Variants in CPED1 observed in about 807,000 individuals in gnomAD.
CPED1 encodes the protein cadherin-like and PC-esterase domain-containing protein 1.
Under a neutral mutation model 128.2 loss-of-function variants are expected in CPED1, and 114 were observed. The ratio of observed to expected loss-of-function variants is 0.89; its 90% CI spans 0.76 to 1.04. The LOEUF is 1.04. Ranked by LOEUF, CPED1 falls within the 50% of genes least tolerant of loss-of-function variation. The pLI, the probability that CPED1 is intolerant of heterozygous loss-of-function variation, is 0.00. For missense variants in CPED1, 1,211 were observed against 1,207.1 expected (o/e 1.00, Z -0.05); for synonymous variants, 462 against 426.7 (o/e 1.08, Z -1.02).
intron 4 of CPED1, among the ~76,000 whole-genome samples, chr7:121,063,087 G>A (rs1793721407): frequency 6.6e-6 from 1 of 152,104 alleles, no homozygotes; most frequent in Admixed American, 6.5e-5. Context: ...AATGCCACTG[G>A]TGCAGAATCA....
At chr7:121,288,816 G>A (rs551562003) in intron 22 of CPED1, among the ~76,000 whole-genome samples, 43 of 152,164 alleles carry the variant, frequency 2.8e-4, no homozygotes, top group African/African-American at 9.1e-4. Flanking sequence ...AGATAAAATC[G>A]TATAAACAAA....
At chr7:121,093,238 A>C (rs1283744865) in intron 5 of CPED1, among the ~76,000 whole-genome samples, 1 of 152,142 alleles carries the variant, frequency 6.6e-6, no homozygotes, top group African/African-American at 2.4e-5. Context: ...GAAAAAAATT[A>C]GGTTGAACAT....
At chr7:121,255,569 A>G (rs1791818137) in intron 18 of CPED1, among the ~76,000 whole-genome samples, 1 of 152,092 alleles carries the variant, frequency 6.6e-6, no homozygotes, top group Non-Finnish European at 1.5e-5. Context: ...AGCCAGAGCA[A>G]TCAGGCAGAG....
intron 16 of CPED1, among the ~76,000 whole-genome samples, chr7:121,154,456 A>T (rs1394804787): frequency 6.6e-6 from 1 of 151,944 alleles, no homozygotes; most frequent in Non-Finnish European, 1.5e-5. Flanking sequence ...TATTTTTTTG[A>T]GGTATATTCA....
rs375331660 is a variant in CPED1, at chr7:121,266,284, C to T, written c.2368C>T (p.Leu790=). ...RGIMYYLIER[L]NETLQEWQKV... ...GATCATGTACTATCTTATTGAAAGG[C>T]TGAATGAAACGTTGCAGGAATGGCA... The change falls in exon 19 of 23, where the codon CTG becomes TTG. Residue 790 remains leucine (L), a synonymous_variant. Transcript: ENST00000310396. 280 of 1,612,962 alleles carry T rather than the reference C, an allele frequency of 1.7e-4. No individual in the cohort carries two copies. Among genetic ancestry groups the T allele is most frequent in the Non-Finnish European group, 2.3e-4 (272 of 1,179,368 alleles).
intron 22 of CPED1, among the ~76,000 whole-genome samples, chr7:121,284,292 G>C (rs765727119): frequency 2.6e-5 from 4 of 152,092 alleles, no homozygotes; most frequent in African/African-American, 4.8e-5. Flanking sequence ...CTCATAACAC[G>C]TGTGGATTAT....
chr7:121,142,115 G>A lies in CPED1; in HGVS notation c.2029G>A (p.Ala677Thr). The A allele has an allele frequency of 6.2e-7, 1 of 1,611,590 alleles. No homozygotes were observed. The highest frequency in any genetic ancestry group is 8.5e-7 in the Non-Finnish European group (1 of 1,178,286). The change falls in exon 16 of 23, where the codon GCC (alanine) becomes ACC (threonine). Residue 677 changes from alanine (A) to threonine (T), a missense_variant. By Grantham distance (58) the Ala-to-Thr change is moderately conservative. Transcript: ENST00000310396. ...EDRPSLPLFE[A>T]FTACGFVQDC... Reference sequence around the variant, plus strand: ...CCGCCCAAGTCTGCCCTTGTTTGAGGCCTTCACAGCATGTGGTTTTGTGCA... The same window carrying A: ...CCGCCCAAGTCTGCCCTTGTTTGAGACCTTCACAGCATGTGGTTTTGTGCA...
At position 121,241,131 on chromosome 7, in the gene CPED1, C is replaced by G. The variant is rs1447105594; in HGVS notation, c.2174-3071C>G. On this transcript the variant is annotated intron_variant, in intron 17 of 22. Transcript: ENST00000310396. ...GGCCGAGGCGGGCGGATCACGAGGT[C>G]AGGAGATCGAGACCATCCCGGCTAA... is the stretch of plus-strand genomic sequence containing the variant. Among the ~76,000 whole-genome samples the G allele has an allele frequency of 1.7e-5, 2 of 115,322 alleles. 1 individual carries two copies. Among genetic ancestry groups the G allele is most frequent in the Admixed American group, 1.6e-4 (2 of 12,596 alleles). The allele number at this position is 115,322 out of a possible 152,430, so 75.7% of individuals were successfully genotyped here.
At chr7:121,098,096 C>A (rs1794744053) in intron 6 of CPED1, among the ~76,000 whole-genome samples, 1 of 152,156 alleles carries the variant, frequency 6.6e-6, no homozygotes, top group South Asian at 2.1e-4. Context: ...GAATTTAAAA[C>A]CTTGACAATG....
At chr7:121,254,937 A>C (rs1245957246) in intron 18 of CPED1, among the ~76,000 whole-genome samples, 1 of 151,870 alleles carries the variant, frequency 6.6e-6, no homozygotes. Context: ...AATCAAAACA[A>C]GACCTGACCC....
chr7:121,104,163 A>G (rs1794915518), intron 7 of CPED1, among the ~76,000 whole-genome samples: 1 of 152,136 alleles, frequency 6.6e-6, no homozygotes, highest in Non-Finnish European at 1.5e-5. Context: ...TGCTGTTAAG[A>G]CAATATCATT....
intron 3 of CPED1, among the ~76,000 whole-genome samples, chr7:121,037,471 G>A (rs547257803): frequency 1.3e-5 from 2 of 151,996 alleles, no homozygotes; most frequent in Non-Finnish European, 2.9e-5. Flanking sequence ...TTATTTCTGG[G>A]TTCTCTATTC....
intron 16 of CPED1, among the ~76,000 whole-genome samples, chr7:121,213,110 C>G (rs931021784): frequency 6.6e-6 from 1 of 151,976 alleles, no homozygotes; most frequent in African/African-American, 2.4e-5. Context: ...AGAGTCTTCC[C>G]TGATGAAGAT....
At chr7:121,098,825 A>G (rs1405609480) in intron 6 of CPED1, among the ~76,000 whole-genome samples, 1 of 144,714 alleles carries the variant, frequency 6.9e-6, no homozygotes, top group Non-Finnish European at 1.5e-5. Flanking sequence ...ATATATATAT[A>G]AATATATATA....
At chr7:121,274,094 C>CT (rs1463626589) in intron 22 of CPED1, among the ~76,000 whole-genome samples, 1 of 152,032 alleles carries the variant, frequency 6.6e-6, no homozygotes, top group Non-Finnish European at 1.5e-5. Flanking sequence ...GTCTACTTTT[C>CT]TTTTTTTAGC....
chr7:121,167,040 C>T (rs558125911), intron 16 of CPED1, among the ~76,000 whole-genome samples: 1 of 152,244 alleles, frequency 6.6e-6, no homozygotes, highest in African/African-American at 2.4e-5. Context: ...TCAGTGTGAC[C>T]CAGCCCCTCA....
rs140375727 is a variant in CPED1 at position 121,039,256 on chromosome 7, A to G, written c.434-7631A>G. Among the ~76,000 whole-genome samples the G allele has an allele frequency of 1.7e-3, 256 of 152,146 alleles. 2 individuals are homozygous for G. The highest frequency in any genetic ancestry group is 5.9e-3 in the African/African-American group (245 of 41,512). ...TTAGCTTATAATTCAATATTACTCT[A>G]TTTATTTAATTGCCCAGATTGCTCC... On this transcript the variant is annotated intron_variant, in intron 3 of 22. Transcript: ENST00000310396.
intron 16 of CPED1, among the ~76,000 whole-genome samples, chr7:121,172,464 T>C (rs184277484): frequency 3.3e-5 from 5 of 152,210 alleles, no homozygotes; most frequent in African/African-American, 1.2e-4. Flanking sequence ...ACATGACACT[T>C]AAAGATTATA....
At position 121,011,216 on chromosome 7, in the gene CPED1, A is replaced by G. The variant is rs1007988810; in HGVS notation, c.250-4449A>G. On this transcript the variant is annotated intron_variant, in intron 2 of 22. Coordinates refer to ENST00000310396, the MANE Select transcript of CPED1 (RefSeq NM_024913.5). ...AAAATCTTTCTGCTATGTGAAAAAAAAAACAAGTTTTATTTTTCAGCCTTA... is the reference window on the plus strand; with the variant it reads ...AAAATCTTTCTGCTATGTGAAAAAAGAAACAAGTTTTATTTTTCAGCCTTA... Among the ~76,000 whole-genome samples the G allele has an allele frequency of 5.3e-5, 8 of 152,178 alleles. No individual in the cohort carries two copies. In the South Asian group the frequency reaches 1.7e-3, roughly 32 times the overall value.
Sources: gnomAD v4.1 joint callset for allele counts (sites outside exome capture counted in the v4.1 genomes callset) on GRCh38, gnomAD v4.1.1 for gene constraint, MANE v1.5 for transcripts, NCBI Gene and HGNC (gene_info 2026-07-23, HGNC 2026-07-21) for gene names.